Variants in ZNF143 observed in about 807,000 individuals in gnomAD.
The protein encoded by ZNF143 is SPH-binding factor.
In ZNF143, 49 loss-of-function variants were observed where a neutral mutation model predicts 74.1. The observed-to-expected ratio is 0.66, with a 90% CI of 0.53 to 0.84. The LOEUF is 0.84. ZNF143 is among the 40% of genes least tolerant of loss of function. The probability of loss-of-function intolerance (pLI) is 0.00; values close to 1 mark genes in which losing one functional copy is unlikely to be tolerated. For missense variants in ZNF143, 637 were observed against 793.4 expected, an observed-to-expected ratio of 0.80 and a Z score of 2.37; for synonymous variants, 304 against 282.8, an observed-to-expected ratio of 1.07 and a Z score of -0.75.
At chr11:9,463,807 A>G (rs983027194) in intron 1 of ZNF143, 1 of 152,208 alleles carries the variant, frequency 6.6e-6, no homozygotes, top group African/African-American at 2.4e-5. Context: ...TGCCTCTACT[A>G]CATGGTTTTA....
At position 9,501,393 on chromosome 11, in the gene ZNF143, AT is replaced by A. The variant is rs1472919074; in HGVS notation, c.1147+125del. On this transcript the variant is annotated intron_variant, in intron 11 of 15. Transcript: ENST00000396602. ...CTATCACTTGGCATGGTGGAAAGAGATTAAGCAACTTGAAAAAGTTTCACCT... is the reference window on the plus strand; with the variant it reads ...CTATCACTTGGCATGGTGGAAAGAGATAAGCAACTTGAAAAAGTTTCACCT... 33 of 1,164,204 alleles carry A rather than the reference AT, an allele frequency of 2.8e-5. No individual in the cohort carries two copies. The African/African-American group carries it at 4.8e-4, about 17-fold the overall frequency. The allele number at this position is 1,164,204 out of a possible 1,614,324, so 72.1% of individuals were successfully genotyped here.
At chr11:9,510,652 T>C (rs1282602282) in intron 12 of ZNF143, among the ~76,000 whole-genome samples, 1 of 152,188 alleles carries the variant, frequency 6.6e-6, no homozygotes, top group African/African-American at 2.4e-5. Context: ...CGTTGATGAC[T>C]GTAGCCATAT....
chr11:9,486,362 ATTATATATAATATATT>A (rs1565038591), intron 7 of ZNF143, among the ~76,000 whole-genome samples: 6 of 43,464 alleles, frequency 1.4e-4, no homozygotes, highest in East Asian at 3.5e-4. Context: ...TTATATATAT[ATTATATATAATATATT>A]ATATATATAA....
At chr11:9,468,138 A>G (rs1378176976) in intron 1 of ZNF143, among the ~76,000 whole-genome samples, 2 of 152,206 alleles carry the variant, frequency 1.3e-5, no homozygotes, top group Non-Finnish European at 2.9e-5. Context: ...GCTGAAAGCA[A>G]TCCAGGGCAT....
At chr11:9,478,018 G>A (rs962567189) in intron 5 of ZNF143, among the ~76,000 whole-genome samples, 2 of 152,106 alleles carry the variant, frequency 1.3e-5, no homozygotes, top group Admixed American at 6.6e-5. Context: ...AGTAGAGAGG[G>A]TGTTTCACCG....
At position 9,527,540 on chromosome 11, in the gene ZNF143, A is replaced by G. The variant is rs778821935; in HGVS notation, c.1844A>G (p.Gln615Arg). The change falls in exon 16 of 16, where the codon CAG (glutamine) becomes CGG (arginine). Residue 615 changes from glutamine to arginine, a missense_variant. Gln to Arg is a conservative substitution (Grantham distance 43). Transcript: ENST00000396602. ...GTQIAVQLGE[Q>R]PSLEEAIRIA... ...GTGTTCCTGTTTCAGCTTGGAGAAC[A>G]GCCATCTCTGGAAGAAGCCATCAGA... The G allele has an allele frequency of 1.9e-6, 3 of 1,614,132 alleles. No individual in the cohort carries two copies. The highest frequency in any genetic ancestry group is 2.5e-6 in the Non-Finnish European group (3 of 1,180,006).
rs181028638 is a variant in ZNF143, at chr11:9,477,375, C to G, written c.374-1015C>G. On this transcript the variant is annotated intron_variant, in intron 5 of 15. Transcript: ENST00000396602. ...GTTCAAGCGATTCTCCTGCTTCAGC[C>G]TCCCAAGTAGCTGGGACTACAGGTG... is the stretch of plus-strand genomic sequence containing the variant. Among the ~76,000 whole-genome samples the G allele has an allele frequency of 2.9e-3, 437 of 152,176 alleles. 5 individuals carry two copies. The highest frequency in any genetic ancestry group is 9.9e-3 in the African/African-American group (412 of 41,538).
intron 1 of ZNF143, among the ~76,000 whole-genome samples, chr11:9,461,398 G>A (rs1398701013): frequency 6.6e-6 from 1 of 152,164 alleles, no homozygotes; most frequent in African/African-American, 2.4e-5. Context: ...AGAGGGGAGG[G>A]TGGAGCCCTC....
intron 7 of ZNF143, among the ~76,000 whole-genome samples, chr11:9,483,750 C>CTTT (rs753979043): frequency 4.0e-5 from 5 of 124,882 alleles, no homozygotes; most frequent in Non-Finnish European, 6.8e-5. Context: ...GGCCGGAATT[C>CTTT]TTTTTTTTTT....
At chr11:9,511,792 C>G (rs1240232157) in intron 12 of ZNF143, among the ~76,000 whole-genome samples, 2 of 141,236 alleles carry the variant, frequency 1.4e-5, no homozygotes, top group Admixed American at 1.5e-4. Flanking sequence ...TGCTCTGTCG[C>G]CCAGGCTGGA....
At chr11:9,490,561 A>G (rs1235524365) in intron 7 of ZNF143, among the ~76,000 whole-genome samples, 1 of 151,920 alleles carries the variant, frequency 6.6e-6, no homozygotes, top group Admixed American at 6.6e-5. Context: ...TGCTGGGATT[A>G]CAGACGTGAG....
At chr11:9,498,290 A>T (rs1413154112) in intron 10 of ZNF143, among the ~76,000 whole-genome samples, 1 of 152,212 alleles carries the variant, frequency 6.6e-6, no homozygotes, top group East Asian at 1.9e-4. Context: ...TAGCTCTGTT[A>T]GATTCTCAGA....
rs750531608 is a variant in ZNF143, at chr11:9,516,289, A to G, written c.1613A>G (p.His538Arg). The change falls in exon 14 of 16, where the codon CAT becomes CGT. Residue 538 changes from histidine to arginine, a missense_variant. By Grantham distance (29) the His-to-Arg change is conservative. Around this residue, in one of 2 missense-constraint regions of ZNF143, gnomAD observed 344 missense variants for 485.6 expected, o/e 0.71. Transcript: ENST00000396602. ...GGCACGCCCATCACAGTCCCCGCCC[A>G]TGATGCAGTCATCTCCTCAGCAGGA... is the stretch of plus-strand genomic sequence containing the variant. ...QDGTPITVPA[H>R]DAVISSAGTH... 8 of 1,614,020 alleles carry G rather than the reference A, an allele frequency of 5.0e-6. No individual in the cohort carries two copies. The highest frequency in any genetic ancestry group is 6.8e-6 in the Non-Finnish European group (8 of 1,179,992).
rs569303984 is a variant in ZNF143 at position 9,462,781 on chromosome 11, A to G, written c.-8+1705A>G. 3.3e-5 allele frequency among the ~76,000 whole-genome samples: 5 copies of G among 152,238 alleles called. No homozygotes were observed. The South Asian group carries it at 8.3e-4, about 25-fold the overall frequency. On this transcript the variant is annotated intron_variant, in intron 1 of 15. Transcript: ENST00000396602. ...TCCCAGTTACTCTGGAAGCTGAGGC[A>G]GGAGAATCGCTTGAACCCAGGAGGC...
intron 11 of ZNF143, among the ~76,000 whole-genome samples, chr11:9,506,780 G>A (rs1848379162): frequency 6.6e-6 from 1 of 152,164 alleles, no homozygotes; most frequent in Admixed American, 6.5e-5. Flanking sequence ...TAAAGATTCA[G>A]ACCTGTGAAA....
intron 7 of ZNF143, among the ~76,000 whole-genome samples, chr11:9,489,432 C>A (rs546024952): frequency 6.6e-6 from 1 of 152,192 alleles, no homozygotes; most frequent in Non-Finnish European, 1.5e-5. Flanking sequence ...TTAAAGTCTC[C>A]ACTATAGACA....
rs779419074 is a variant in ZNF143 at position 9,479,532 on chromosome 11, G to A, written c.631G>A (p.Glu211Lys). 11 of 1,612,378 alleles carry A rather than the reference G, an allele frequency of 6.8e-6. No individual in the cohort carries two copies. The African/African-American group carries it at 1.2e-4, about 18-fold the overall frequency. The change falls in exon 7 of 16, where the codon GAG becomes AAG. Residue 211 changes from glutamate to lysine, a missense_variant. Glu to Lys is a moderately conservative substitution (Grantham distance 56, BLOSUM62 1). Coordinates refer to ENST00000396602, the MANE Select transcript of ZNF143 (RefSeq NM_003442.6). ...GTGMIGENEQ[E>K]KKMQIVLQGH... Reference sequence around the variant, plus strand: ...TGGAATGATTGGAGAAAATGAGCAAGAGAAAAAAATGCAGGTATGTAAAGC... The same window carrying A: ...TGGAATGATTGGAGAAAATGAGCAAAAGAAAAAAATGCAGGTATGTAAAGC...
In ZNF143 at chr11:9,525,397, A is replaced by C. The variant is rs776102809; in HGVS notation, c.1833+11A>C. The stretch of plus-strand genomic sequence containing the variant: ...CAGATTGCAGTTCAGGTGAGTACCA[A>C]GGCATACTGTCCTCAGTCGACAGCA... On this transcript the variant is annotated intron_variant, in intron 15 of 15. Coordinates refer to ENST00000396602, the MANE Select transcript of ZNF143 (RefSeq NM_003442.6). The C allele has an allele frequency of 1.2e-6, 2 of 1,613,886 alleles. No individual in the cohort carries two copies. Among genetic ancestry groups the C allele is most frequent in the Admixed American group, 1.7e-5 (1 of 59,986 alleles).
chr11:9,496,652 A>G (rs892368026), intron 9 of ZNF143, among the ~76,000 whole-genome samples: 2 of 150,936 alleles, frequency 1.3e-5, no homozygotes, highest in Non-Finnish European at 2.9e-5. Flanking sequence ...GTTTGGGTGC[A>G]GTGGCAGGAT....
Sources: gnomAD v4.1 joint callset for allele counts (sites outside exome capture counted in the v4.1 genomes callset) on GRCh38, gnomAD v4.1.1 for gene constraint, gnomAD v4.1.1 regional missense constraint, MANE v1.5 for transcripts, NCBI Gene and HGNC (gene_info 2026-07-23, HGNC 2026-07-21) for gene names.